The following NRXN3 variants were observed in gnomAD, a reference collection of about 807,000 sequenced individuals.
NRXN3 encodes neurexin 3, also known as neurexin III.
Under a neutral mutation model 137.6 loss-of-function variants are expected in NRXN3, and 32 were observed. The observed-to-expected ratio is 0.23, with a 90% confidence interval of 0.18 to 0.31. The LOEUF is 0.31. NRXN3 is among the 10% of genes least tolerant of loss of function. NRXN3 has a pLI of 1.00. For synonymous variants in NRXN3, 798 were observed against 784.5 expected, an observed-to-expected ratio of 1.02 and a Z score of -0.29; for missense variants, 1,574 against 2,062.5, an observed-to-expected ratio of 0.76 and a Z score of 4.59.
At chr14:78,585,277 G>A (rs2097051058) in intron 4 of NRXN3, among the ~76,000 whole-genome samples, 1 of 152,116 alleles carries the variant, frequency 6.6e-6, no homozygotes, top group South Asian at 2.1e-4. Flanking sequence ...CCAGTGCAAA[G>A]GACCTGAGGT....
intron 1 of NRXN3, among the ~76,000 whole-genome samples, chr14:78,228,949 G>A (rs1006531509): frequency 3.3e-5 from 5 of 152,158 alleles, no homozygotes; most frequent in African/African-American, 1.2e-4. Flanking sequence ...AAAGTTATAA[G>A]ACTCAGTAAA....
At chr14:78,206,299 C>A (rs2062176681) in intron 1 of NRXN3, among the ~76,000 whole-genome samples, 1 of 152,102 alleles carries the variant, frequency 6.6e-6, no homozygotes, top group African/African-American at 2.4e-5. Flanking sequence ...ACTAGGGGAG[C>A]TTTTCTCAAT....
At chr14:78,909,222 G>A (rs184816686) in intron 10 of NRXN3, among the ~76,000 whole-genome samples, 83 of 152,218 alleles carry the variant, frequency 5.5e-4, no homozygotes, top group African/African-American at 1.9e-3. Flanking sequence ...ATGAAACATG[G>A]CTTTACCAGC....
chr14:79,172,974 T>C (rs1174404402), intron 15 of NRXN3, among the ~76,000 whole-genome samples: 1 of 152,196 alleles, frequency 6.6e-6, no homozygotes, highest in Non-Finnish European at 1.5e-5. Flanking sequence ...AGTGGAGAGA[T>C]GGAAAGTGTT....
At chr14:79,757,202 T>C (rs1338049560) in intron 19 of NRXN3, among the ~76,000 whole-genome samples, 1 of 152,144 alleles carries the variant, frequency 6.6e-6, no homozygotes, top group Non-Finnish European at 1.5e-5. Flanking sequence ...AGGGGCTCTC[T>C]CCTGCTCTCA....
At position 79,386,421 on chromosome 14, in the gene NRXN3, A is replaced by G. The variant is rs565593633; in HGVS notation, c.3263-80800A>G. ...GATGTGAAGGACCTCTTCAAGGAGA[A>G]CTACAAACCACTGCTCAATGAAATA... On this transcript the variant is annotated intron_variant, in intron 15 of 20. Transcript: ENST00000335750. Among the ~76,000 whole-genome samples the G allele has an allele frequency of 2.6e-5, 4 of 152,230 alleles. No individual in the cohort carries two copies. In the South Asian group the frequency reaches 8.3e-4, roughly 32 times the overall value.
intron 20 of NRXN3, among the ~76,000 whole-genome samples, chr14:79,827,224 T>G (rs1158579095): frequency 6.6e-6 from 1 of 152,056 alleles, no homozygotes; most frequent in Non-Finnish European, 1.5e-5. Flanking sequence ...GAGCATACCA[T>G]GGTAGGACAG....
At chr14:79,207,824 G>A (rs1291537736) in intron 15 of NRXN3, among the ~76,000 whole-genome samples, 1 of 151,856 alleles carries the variant, frequency 6.6e-6, no homozygotes, top group African/African-American at 2.4e-5. Context: ...CAGTTGTGAA[G>A]GTATAGTATT....
chr14:79,167,941 T>TTTG (rs1435278537), intron 15 of NRXN3, among the ~76,000 whole-genome samples: 1 of 150,982 alleles, frequency 6.6e-6, no homozygotes, highest in Non-Finnish European at 1.5e-5. Context: ...TCCTTGTTTT[T>TTTG]TTTTTTTTTT....
At chr14:78,315,765 T>C (rs2078638691) in intron 4 of NRXN3, among the ~76,000 whole-genome samples, 1 of 152,216 alleles carries the variant, frequency 6.6e-6, no homozygotes, top group South Asian at 2.1e-4. Context: ...CAGCATTTTT[T>C]TTCCTCTTTA....
chr14:79,521,990 T>C (rs2097070214), intron 16 of NRXN3, among the ~76,000 whole-genome samples: 1 of 152,200 alleles, frequency 6.6e-6, no homozygotes, highest in African/African-American at 2.4e-5. Context: ...AGGATGTTTC[T>C]ATAAACTTAT....
chr14:78,624,829 GTGTTTGTTTGTT>G (rs1555404275), intron 4 of NRXN3, among the ~76,000 whole-genome samples: 6 of 146,992 alleles, frequency 4.1e-5, no homozygotes, highest in African/African-American at 7.7e-5. Context: ...GTGTGTGTGT[GTGTTTGTTTGTT>G]TGTTTGTTTG....
chr14:78,306,023 G>A (rs1321225991), intron 4 of NRXN3, among the ~76,000 whole-genome samples: 1 of 152,076 alleles, frequency 6.6e-6, no homozygotes, highest in African/African-American at 2.4e-5. Context: ...TTTTTTTCTT[G>A]TTTAGAAATT....
intron 3 of NRXN3, among the ~76,000 whole-genome samples, chr14:78,296,060 CTT>C (rs1204627546): frequency 2.8e-4 from 37 of 130,142 alleles, no homozygotes; most frequent in Non-Finnish European, 3.3e-4. Context: ...CTCTCTCTGT[CTT>C]TTTTTTTTTT....
At chr14:79,812,573 C>T (rs925666050) in intron 20 of NRXN3, among the ~76,000 whole-genome samples, 1 of 152,066 alleles carries the variant, frequency 6.6e-6, no homozygotes, top group Non-Finnish European at 1.5e-5. Context: ...CCCCAAGGAG[C>T]ATTCTTCTGT....
At chr14:79,051,379 A>G (rs2099641647) in intron 15 of NRXN3, among the ~76,000 whole-genome samples, 1 of 152,188 alleles carries the variant, frequency 6.6e-6, no homozygotes, top group African/African-American at 2.4e-5. Flanking sequence ...TTTCTCTTAT[A>G]CATAAAGAAA....
At chr14:79,709,118 C>G (rs370464110) in intron 19 of NRXN3, among the ~76,000 whole-genome samples, 1 of 152,084 alleles carries the variant, frequency 6.6e-6, no homozygotes, top group Non-Finnish European at 1.5e-5. Context: ...TTTTAATGCA[C>G]GTCCGGGGTG....
At chr14:79,577,836 T>G (rs1800596188) in intron 16 of NRXN3, among the ~76,000 whole-genome samples, 1 of 152,196 alleles carries the variant, frequency 6.6e-6, no homozygotes, top group African/African-American at 2.4e-5. Flanking sequence ...ATCAGGATAG[T>G]GCTTCTCTTA....
Position 78,697,338 on chromosome 14 carries a change from C to T in NRXN3, c.1222-11879C>T, listed in dbSNP as rs544133486. ...TAAATATAAAAGAAATTTAATTCAT[C>T]AGTTTCCTATTCTCTGCCTATAATT... On this transcript the variant is annotated intron_variant, in intron 6 of 20. Transcript: ENST00000335750. Among the ~76,000 whole-genome samples, 8 of 151,968 alleles carry T rather than the reference C, an allele frequency of 5.3e-5. No individual in the cohort carries two copies. The East Asian group carries it at 1.4e-3, about 26-fold the overall frequency.
Sources: gnomAD v4.1 joint callset for allele counts (sites outside exome capture counted in the v4.1 genomes callset) on GRCh38, gnomAD v4.1.1 for gene constraint, MANE v1.5 for transcripts, NCBI Gene and HGNC (gene_info 2026-07-23, HGNC 2026-07-21) for gene names.